Variants in ZHX3 observed in about 807,000 individuals in gnomAD.
ZHX3 encodes the protein zinc fingers and homeoboxes 3.
Under a neutral mutation model 64.5 loss-of-function variants are expected in ZHX3, and 20 were observed. That is an observed-to-expected ratio of 0.31 (90% CI 0.22 to 0.45). ZHX3 has a LOEUF of 0.45. Ranked by LOEUF, ZHX3 falls within the 20% of genes least tolerant of loss-of-function variation. The probability of loss-of-function intolerance (pLI) is 1.00; values close to 1 mark genes in which losing one functional copy is unlikely to be tolerated. For missense variants in ZHX3, 1,041 were observed against 1,195.8 expected, an observed-to-expected ratio of 0.87 and a Z score of 1.91; for synonymous variants, 423 against 461.6, an observed-to-expected ratio of 0.92 and a Z score of 1.07.
Position 41,200,934 on chromosome 20 carries a change from G to C in ZHX3, c.2860+1123C>G, listed in dbSNP as rs1288981471. ...AGAAAAAGAATTTTGTCCTTTTTAA[G>C]ACATCCTAAGTAGAAAGCAACTGGG... On this transcript the variant is annotated intron_variant, in intron 3 of 3. Transcript: ENST00000683867. The surrounding 1 kb of genome is among the most constrained non-coding windows in gnomAD (Gnocchi z 4.2). Among the ~76,000 whole-genome samples the C allele has an allele frequency of 6.6e-6, 1 of 152,186 alleles. No homozygotes were observed. The highest frequency in any genetic ancestry group is 1.5e-5 in the Non-Finnish European group (1 of 68,030).
Position 41,205,040 on chromosome 20 carries a change from G to C in ZHX3, c.-124C>G. ...CTAAATGCAGCTTTTTCAGTTGTTT[G>C]CAGAAAGCAGGTTTTCCCTATTCAA... On this transcript the variant is annotated 5_prime_UTR_variant, in exon 3 of 4. Coordinates refer to ENST00000683867, the MANE Select transcript of ZHX3 (RefSeq NM_001384317.1). 7.3e-7 allele frequency: 1 copy of C among 1,362,312 alleles called. No individual in the cohort carries two copies. The highest frequency in any genetic ancestry group is 9.5e-7 in the Non-Finnish European group (1 of 1,057,442). 84.4% of individuals were successfully genotyped at this position (1,362,312 alleles called of 1,614,324 possible).
intron 2 of ZHX3, among the ~76,000 whole-genome samples, chr20:41,251,452 A>T (rs2041988238): frequency 6.6e-6 from 1 of 152,170 alleles, no homozygotes; most frequent in African/African-American, 2.4e-5. Flanking sequence ...GAAATACACT[A>T]AAAAAACTAT....
intron 2 of ZHX3, among the ~76,000 whole-genome samples, chr20:41,236,115 TAA>T (rs1435686324): frequency 2.0e-5 from 3 of 152,030 alleles, no homozygotes; most frequent in Non-Finnish European, 2.9e-5. Flanking sequence ...CTCAATGAAA[TAA>T]AAGAGGATAC....
chr20:41,233,713 C>T (rs1219761974), intron 2 of ZHX3, among the ~76,000 whole-genome samples: 2 of 152,090 alleles, frequency 1.3e-5, no homozygotes, highest in Admixed American at 6.6e-5. Context: ...ATGGAGAGAC[C>T]GGACAAGAAC....
chr20:41,257,968 C>T lies in ZHX3; in HGVS notation c.-151+11022G>A, dbSNP rs547923091. ...TCAGCCAGGCTGGGGTACAGTGGCA[C>T]AGCTCACTGCAACCTCCACCTCCCA... is the stretch of plus-strand genomic sequence containing the variant. On this transcript the variant is annotated intron_variant, in intron 2 of 3. Coordinates refer to ENST00000683867, the MANE Select transcript of ZHX3 (RefSeq NM_001384317.1). Among the ~76,000 whole-genome samples, 8 of 146,114 alleles carry T rather than the reference C, an allele frequency of 5.5e-5. No homozygotes were observed. The East Asian group carries it at 1.2e-3, about 22-fold the overall frequency.
rs1038333051 is a variant in ZHX3 at position 41,195,024 on chromosome 20, T to G, written c.2860+7033A>C. 2.0e-5 allele frequency among the ~76,000 whole-genome samples: 3 copies of G among 152,214 alleles called. No homozygotes were observed. The highest frequency in any genetic ancestry group is 7.2e-5 in the African/African-American group (3 of 41,456). On this transcript the variant is annotated intron_variant, in intron 3 of 3. Transcript: ENST00000683867. This position sits in a 1 kb window ranked among gnomAD's most constrained non-coding sequence, Gnocchi z 4.2. ...GGTTTCATTGATTCTCTATATCTGC[T>G]CTAACCTTTATTTCCTTCCTTCTGG...
intron 2 of ZHX3, among the ~76,000 whole-genome samples, chr20:41,221,767 TG>T (rs1338878921): frequency 2.0e-5 from 3 of 152,226 alleles, no homozygotes; most frequent in Admixed American, 1.3e-4. Context: ...GTGAGCCATC[TG>T]GGTAAGTGAG....
In ZHX3 at chr20:41,180,000, CTATT is replaced by C. The variant is rs2036187963; in HGVS notation, c.*5187_*5190del. Reference sequence around the variant, plus strand: ...GTTAAAAAGCATTAACCAAGAAAAACTATTCATTAACACATACAGGTGCTCATGT... The same window carrying C: ...GTTAAAAAGCATTAACCAAGAAAAACCATTAACACATACAGGTGCTCATGT... On this transcript the variant is annotated 3_prime_UTR_variant, in exon 4 of 4. Coordinates refer to ENST00000683867, the MANE Select transcript of ZHX3 (RefSeq NM_001384317.1). The surrounding 1 kb of genome is among the most constrained non-coding windows in gnomAD (Gnocchi z 4.3). 1 of 152,684 alleles carries C rather than the reference CTATT, an allele frequency of 6.5e-6. No individual in the cohort carries two copies. The highest frequency in any genetic ancestry group is 2.4e-5 in the African/African-American group (1 of 41,456). The allele number at this position is 152,684 out of a possible 1,614,324, so 9.5% of individuals were successfully genotyped here. A position where few individuals can be genotyped will look rare whatever the true frequency, so the allele number is the denominator to read the frequency against.
At chr20:41,190,124 G>C (rs1462501396) in intron 3 of ZHX3, among the ~76,000 whole-genome samples, 2 of 152,116 alleles carry the variant, frequency 1.3e-5, no homozygotes, top group African/African-American at 4.8e-5. Context: ...TAACTGAATG[G>C]TGTATGTTAA....
chr20:41,303,941 G>A (rs1361429354), intron 1 of ZHX3, among the ~76,000 whole-genome samples: 1 of 152,134 alleles, frequency 6.6e-6, no homozygotes, highest in Admixed American at 6.6e-5. Context: ...CCCACCCAAG[G>A]TAATGTGGTG....
intron 2 of ZHX3, among the ~76,000 whole-genome samples, chr20:41,247,028 A>C (rs1009144620): frequency 6.6e-6 from 1 of 152,218 alleles, no homozygotes; most frequent in African/African-American, 2.4e-5. Flanking sequence ...TGGGAGGCTA[A>C]GGCTGGCAGA....
intron 1 of ZHX3, among the ~76,000 whole-genome samples, chr20:41,296,480 G>T (rs954403312): frequency 6.6e-6 from 1 of 152,098 alleles, no homozygotes; most frequent in Non-Finnish European, 1.5e-5. Flanking sequence ...AATACTACTT[G>T]CCCCAAAAGG....
At position 41,184,932 on chromosome 20, in the gene ZHX3, A is replaced by G. The variant is rs1219761683; in HGVS notation, c.*259T>C. The G allele has an allele frequency of 2.0e-5, 31 of 1,541,160 alleles. No individual in the cohort carries two copies. The highest frequency in any genetic ancestry group is 2.7e-5 in the Non-Finnish European group (31 of 1,146,658). On this transcript the variant is annotated 3_prime_UTR_variant, in exon 4 of 4. Transcript: ENST00000683867. ...CTATGAACTCTGAACTATTTTATCC[A>G]TTGGAAGGTAAAGGAAAGGTCCTAC...
chr20:41,255,733 G>A (rs2042216743), intron 2 of ZHX3, among the ~76,000 whole-genome samples: 1 of 152,188 alleles, frequency 6.6e-6, no homozygotes, highest in Non-Finnish European at 1.5e-5. Flanking sequence ...CACTCTAGTT[G>A]TTTCACTACT....
rs191963363 is a variant in ZHX3 at position 41,216,000 on chromosome 20, A to G, written c.-150-10934T>C. 1.4e-4 allele frequency among the ~76,000 whole-genome samples: 22 copies of G among 152,156 alleles called. No homozygotes were observed. In the East Asian group the frequency reaches 3.9e-3, roughly 27 times the overall value. On this transcript the variant is annotated intron_variant, in intron 2 of 3. Transcript: ENST00000683867. ...TAGAAGTTGACAGAATTACAGAAAC[A>G]TAACTATAGTGGGAGATTTTAAGAT...
chr20:41,221,718 G>A (rs916851382), intron 2 of ZHX3, among the ~76,000 whole-genome samples: 1 of 152,234 alleles, frequency 6.6e-6, no homozygotes, highest in Non-Finnish European at 1.5e-5. Flanking sequence ...AGAACTCACT[G>A]AGAATGTGAC....
chr20:41,312,698 C>A (rs1488952641), intron 1 of ZHX3, among the ~76,000 whole-genome samples: 1 of 152,124 alleles, frequency 6.6e-6, no homozygotes, highest in Admixed American at 6.5e-5. Context: ...TTCTATGAGA[C>A]AAGTGGAGGT....
chr20:41,192,898 A>G (rs1209036063), intron 3 of ZHX3, among the ~76,000 whole-genome samples: 1 of 152,184 alleles, frequency 6.6e-6, no homozygotes, highest in East Asian at 1.9e-4. Context: ...CGTGGCTAGA[A>G]CTGCAGAATC....
chr20:41,256,463 AT>A (rs1367389598), intron 2 of ZHX3, among the ~76,000 whole-genome samples: 2 of 151,772 alleles, frequency 1.3e-5, no homozygotes, highest in African/African-American at 4.8e-5. Context: ...GACAAATTAG[AT>A]TTTTTCCCCT....
Sources: allele counts gnomAD v4.1 joint callset (sites outside exome capture counted in the v4.1 genomes callset), GRCh38; gene constraint gnomAD v4.1.1; non-coding constraint Gnocchi (gnomAD v3.1); transcripts MANE v1.5; gene names NCBI Gene and HGNC (gene_info 2026-07-23, HGNC 2026-07-21).